The following KLHL24 variants were observed in gnomAD, a reference collection of about 807,000 sequenced individuals.
KLHL24 encodes the protein kelch-like protein 24.
In KLHL24, 29 loss-of-function variants were observed where a neutral mutation model predicts 53.4. That is an observed-to-expected ratio of 0.54 (90% confidence interval 0.40 to 0.74). KLHL24 has a LOEUF of 0.74. Ranked by LOEUF, KLHL24 falls within the 30% of genes least tolerant of loss-of-function variation. KLHL24 has a pLI of 0.00. For missense variants in KLHL24, 504 were observed against 744.0 expected, an observed-to-expected ratio of 0.68 and a Z score of 3.75; for synonymous variants, 222 against 253.7, an observed-to-expected ratio of 0.88 and a Z score of 1.19.
intron 2 of KLHL24, among the ~76,000 whole-genome samples, chr3:183,647,033 G>A (rs1232508717): frequency 2.1e-5 from 3 of 146,304 alleles, no homozygotes; most frequent in Non-Finnish European, 3.0e-5. Context: ...GGATGGTCTC[G>A]ATTTCCTGAC....
rs552572234 is a variant in KLHL24 at position 183,671,777 on chromosome 3, G to A, written c.1414-519G>A. Among the ~76,000 whole-genome samples, 6 of 152,200 alleles carry A rather than the reference G, an allele frequency of 3.9e-5. No homozygotes were observed. In the South Asian group the frequency reaches 1.2e-3, roughly 32 times the overall value. ...GGAAAAAAGCATCTAATGCCTAGCT[G>A]GTTTAGCACTGTTAACTGAATTTTG... On this transcript the variant is annotated intron_variant, in intron 6 of 7. Transcript: ENST00000242810.
intron 7 of KLHL24, among the ~76,000 whole-genome samples, chr3:183,674,435 A>G (rs1035492287): frequency 4.0e-5 from 6 of 151,522 alleles, no homozygotes; most frequent in East Asian, 1.9e-4. Flanking sequence ...ATCTCCACAC[A>G]CTGCAAACTC....
At chr3:183,656,501 A>G (rs1718920808) in intron 3 of KLHL24, among the ~76,000 whole-genome samples, 2 of 152,216 alleles carry the variant, frequency 1.3e-5, no homozygotes, top group African/African-American at 4.8e-5. Flanking sequence ...TTGGGCTCAG[A>G]AATACTTTTG....
chr3:183,637,105 A>C (rs1358837721), intron 1 of KLHL24, among the ~76,000 whole-genome samples: 1 of 152,146 alleles, frequency 6.6e-6, no homozygotes, highest in Non-Finnish European at 1.5e-5. Flanking sequence ...CCCCACGGTC[A>C]CCCCTGAGGC....
rs1712499792 is a variant in KLHL24 at position 183,679,808 on chromosome 3, T to C, written c.*522T>C. On this transcript the variant is annotated 3_prime_UTR_variant, in exon 8 of 8. Coordinates refer to ENST00000242810, the MANE Select transcript of KLHL24 (RefSeq NM_017644.3). ...GGTTAATTTTATTGAAGGGTTTTTT[T>C]CTGTAATTGATAAAAATGTAATGAC... 1 of 152,746 alleles carries C rather than the reference T, an allele frequency of 6.5e-6. No homozygotes were observed. Among genetic ancestry groups the C allele is most frequent in the Non-Finnish European group, 1.5e-5 (1 of 68,520 alleles). The allele number at this position is 152,746 out of a possible 1,614,324, so 9.5% of individuals were successfully genotyped here.
At chr3:183,638,088 T>A (rs1715655315) in intron 1 of KLHL24, among the ~76,000 whole-genome samples, 1 of 152,222 alleles carries the variant, frequency 6.6e-6, no homozygotes, top group South Asian at 2.1e-4. Context: ...AATGAGCATC[T>A]CCTGTGATCA....
chr3:183,661,617 T>G (rs1009796551), intron 3 of KLHL24, among the ~76,000 whole-genome samples: 1 of 152,236 alleles, frequency 6.6e-6, no homozygotes, highest in East Asian at 1.9e-4. Context: ...TACCCTTTAT[T>G]TATTGGTACT....
chr3:183,639,629 C>CAAA (rs767908911), intron 1 of KLHL24, among the ~76,000 whole-genome samples: 2 of 39,452 alleles, frequency 5.1e-5, no homozygotes, highest in Admixed American at 2.5e-4. Flanking sequence ...GACTCTGTCT[C>CAAA]AAAAAAAAAA....
chr3:183,669,260 G>C (rs1721003500), intron 5 of KLHL24, among the ~76,000 whole-genome samples: 1 of 152,152 alleles, frequency 6.6e-6, no homozygotes, highest in Non-Finnish European at 1.5e-5. Flanking sequence ...GCTGAGGCAG[G>C]AGAATCCCTT....
chr3:183,664,918 A>C lies in KLHL24; in HGVS notation c.1106-3A>C. 1.3e-6 allele frequency: 2 copies of C among 1,568,902 alleles called. No individual in the cohort carries two copies. The highest frequency in any genetic ancestry group is 1.7e-4 in the Middle Eastern group (1 of 5,964). On this transcript the variant is annotated splice_region_variant and splice_polypyrimidine_tract_variant and intron_variant, in intron 4 of 7. Transcript: ENST00000242810. The stretch of plus-strand genomic sequence containing the variant: ...TCGTGTGTGCATTGTTTTGCATTTC[A>C]AGGTGGAAGAATCAACAGCCGTGAT...
chr3:183,638,997 T>G (rs1715846590), intron 1 of KLHL24, among the ~76,000 whole-genome samples: 1 of 151,084 alleles, frequency 6.6e-6, no homozygotes, highest in Non-Finnish European at 1.5e-5. Context: ...GGTCAGGAGT[T>G]CAAGATCAGC....
intron 7 of KLHL24, among the ~76,000 whole-genome samples, chr3:183,673,547 C>G (rs946099245): frequency 8.6e-5 from 13 of 151,902 alleles, no homozygotes; most frequent in African/African-American, 2.7e-4. Context: ...CTGTGCTCAC[C>G]TTTCTTTCAT....
chr3:183,648,959 C>T (rs528457995), intron 2 of KLHL24, among the ~76,000 whole-genome samples: 47 of 151,792 alleles, frequency 3.1e-4, no homozygotes, highest in Middle Eastern at 3.4e-3. Flanking sequence ...GTCAAGATCG[C>T]GCCATTGCAC....
At chr3:183,673,938 CTATTTGATATTT>C (rs1384390765) in intron 7 of KLHL24, among the ~76,000 whole-genome samples, 4 of 152,168 alleles carry the variant, frequency 2.6e-5, no homozygotes, top group African/African-American at 4.8e-5. Context: ...TTCTAACTGC[CTATTTGATATTT>C]TATTTGATAT....
chr3:183,652,983 A>G (rs1472413510), intron 3 of KLHL24, among the ~76,000 whole-genome samples: 2 of 152,242 alleles, frequency 1.3e-5, no homozygotes, highest in African/African-American at 2.4e-5. Flanking sequence ...TTATAAAGAC[A>G]TAATTTGAAT....
intron 6 of KLHL24, 87 bp from the exon 7 acceptor site, chr3:183,672,209 A>G: frequency 1.7e-6 from 1 of 598,882 alleles, no homozygotes; most frequent in Non-Finnish European, 2.6e-6. Context: ...ATTTTAAATA[A>G]TGTTTGTAGG....
At chr3:183,639,643 A>C (rs897042650) in intron 1 of KLHL24, among the ~76,000 whole-genome samples, 3 of 147,412 alleles carry the variant, frequency 2.0e-5, no homozygotes, top group Admixed American at 6.8e-5. Context: ...AAAAAAAAAA[A>C]AAAAAAAAAA....
chr3:183,668,247 C>G (rs1295840770), intron 5 of KLHL24, among the ~76,000 whole-genome samples: 1 of 151,692 alleles, frequency 6.6e-6, no homozygotes, highest in Non-Finnish European at 1.5e-5. Flanking sequence ...CTAAAATAAT[C>G]CAGGGGTTGG....
At position 183,642,890 on chromosome 3, in the gene KLHL24, C is replaced by T. The variant is rs930570424; in HGVS notation, c.-124-590C>T. 2.0e-5 allele frequency: 3 copies of T among 152,112 alleles called. No individual in the cohort carries two copies. In the East Asian group the frequency reaches 5.8e-4, roughly 29 times the overall value. 9.4% of individuals were successfully genotyped at this position (152,112 alleles called of 1,614,324 possible). On this transcript the variant is annotated intron_variant, in intron 1 of 7. Coordinates refer to ENST00000242810, the MANE Select transcript of KLHL24 (RefSeq NM_017644.3). Reference sequence around the variant, plus strand: ...TGCTATTGACATTAATTTTCTTTTACTCATTTTTCACTCAAGAAATTTTAC... The same window carrying T: ...TGCTATTGACATTAATTTTCTTTTATTCATTTTTCACTCAAGAAATTTTAC...
Sources: allele counts gnomAD v4.1 joint callset (sites outside exome capture counted in the v4.1 genomes callset), GRCh38; gene constraint gnomAD v4.1.1; transcripts MANE v1.5; gene names NCBI Gene and HGNC (gene_info 2026-07-23, HGNC 2026-07-21).